The following GPC5 variants were observed in gnomAD, a reference collection of about 807,000 sequenced individuals.
The protein encoded by GPC5 is glypican 5, also known as glypican-5.
Under a neutral mutation model 53.9 loss-of-function variants are expected in GPC5, and 47 were observed. The ratio of observed to expected loss-of-function variants is 0.87; its 90% CI spans 0.69 to 1.11. GPC5 has a LOEUF of 1.11. GPC5 is among the 50% of genes most tolerant of loss of function. The pLI is 0.00. For missense variants in GPC5, 748 were observed against 713.1 expected (o/e 1.05, Z -0.56); for synonymous variants, 286 against 263.3 (o/e 1.09, Z -0.84).
chr13:91,856,164 G>T (rs1379862406), intron 5 of GPC5, among the ~76,000 whole-genome samples: 1 of 151,304 alleles, frequency 6.6e-6, no homozygotes, highest in Non-Finnish European at 1.5e-5. Context: ...GTGGTTCATT[G>T]TTTTCATTGC....
At chr13:92,794,871 A>G (rs904544352) in intron 7 of GPC5, among the ~76,000 whole-genome samples, 1 of 152,178 alleles carries the variant, frequency 6.6e-6, no homozygotes, top group African/African-American at 2.4e-5. Flanking sequence ...ACCAATGCTC[A>G]ATGAAATAAA....
At chr13:92,542,631 C>A (rs1881967969) in intron 7 of GPC5, among the ~76,000 whole-genome samples, 1 of 151,956 alleles carries the variant, frequency 6.6e-6, no homozygotes, top group South Asian at 2.1e-4. Context: ...CTTTTCCCTT[C>A]CAGATGTAAG....
chr13:92,368,972 C>A (rs35121678), intron 7 of GPC5, among the ~76,000 whole-genome samples: 15,299 of 152,148 alleles, frequency 0.1, 848 homozygotes, highest in Middle Eastern at 0.15. Context: ...GAGTCTATTG[C>A]ATTTTCTCTC....
intron 5 of GPC5, among the ~76,000 whole-genome samples, chr13:91,797,868 T>C (rs1454556528): frequency 6.6e-6 from 1 of 152,218 alleles, no homozygotes; most frequent in Non-Finnish European, 1.5e-5. Context: ...ACCGTGAGAT[T>C]CATCAGATTG....
At chr13:92,220,648 C>T (rs1335495911) in intron 7 of GPC5, among the ~76,000 whole-genome samples, 1 of 152,106 alleles carries the variant, frequency 6.6e-6, no homozygotes, top group Non-Finnish European at 1.5e-5. Flanking sequence ...TTTTTCCTAT[C>T]TGATTCACTT....
intron 7 of GPC5, among the ~76,000 whole-genome samples, chr13:92,539,755 C>G (rs1303133089): frequency 6.6e-6 from 1 of 151,884 alleles, no homozygotes; most frequent in Admixed American, 6.6e-5. Flanking sequence ...ACTCACCTCT[C>G]TATATGCACT....
chr13:91,453,040 T>C (rs1355780444), intron 2 of GPC5, among the ~76,000 whole-genome samples: 1 of 87,224 alleles, frequency 1.1e-5, no homozygotes, highest in Non-Finnish European at 2.3e-5. Flanking sequence ...AAAATGTTAT[T>C]GCTAGAGTCT....
chr13:92,324,573 T>C (rs1457199801), intron 7 of GPC5, among the ~76,000 whole-genome samples: 1 of 151,884 alleles, frequency 6.6e-6, no homozygotes, highest in Non-Finnish European at 1.5e-5. Flanking sequence ...ATACTTTAAA[T>C]GTCTGGCTGG....
chr13:91,974,006 A>C (rs527636427), intron 6 of GPC5, among the ~76,000 whole-genome samples: 1 of 152,272 alleles, frequency 6.6e-6, no homozygotes, highest in African/African-American at 2.4e-5. Context: ...TACTCTCTTC[A>C]AAGTTGTCAG....
intron 7 of GPC5, among the ~76,000 whole-genome samples, chr13:92,603,741 G>C (rs902529862): frequency 6.6e-6 from 1 of 152,186 alleles, no homozygotes; most frequent in Non-Finnish European, 1.5e-5. Flanking sequence ...TTAGGTCTGT[G>C]GGTGAATTTG....
intron 4 of GPC5, among the ~76,000 whole-genome samples, chr13:91,749,572 C>T (rs1209371992): frequency 6.6e-6 from 1 of 152,058 alleles, no homozygotes; most frequent in East Asian, 1.9e-4. Context: ...GTGGAATTTC[C>T]AAATACCAAG....
At chr13:91,729,080 A>C (rs1329590144) in intron 4 of GPC5, among the ~76,000 whole-genome samples, 13 of 152,234 alleles carry the variant, frequency 8.5e-5, no homozygotes, top group Admixed American at 8.5e-4. Flanking sequence ...GAAAGACAGA[A>C]AGATAATACA....
chr13:91,621,774 T>TATATATATATATAC lies in GPC5; in HGVS notation c.326-71400_326-71399insCATATATATATATA, dbSNP rs2033865448. On this transcript the variant is annotated intron_variant, in intron 2 of 7. Transcript: ENST00000377067. The stretch of plus-strand genomic sequence containing the variant: ...AGGGACAGAACATTATATATATATA[T>TATATATATATATAC]ATATATATATATATATATGAAGGGG... Among the ~76,000 whole-genome samples the TATATATATATATAC allele has an allele frequency of 1.2e-4, 4 of 33,710 alleles. 2 individuals are homozygous for TATATATATATATAC. The South Asian group carries it at 5.5e-3, about 46-fold the overall frequency. 22.1% of individuals were successfully genotyped at this position (33,710 alleles called of 152,430 possible). A position where few individuals can be genotyped will look rare whatever the true frequency, so the allele number is the denominator to read the frequency against.
At chr13:91,556,188 A>T (rs1336200559) in intron 2 of GPC5, among the ~76,000 whole-genome samples, 3 of 150,436 alleles carry the variant, frequency 2.0e-5, no homozygotes, top group Non-Finnish European at 4.4e-5. Flanking sequence ...ACCATTTGAG[A>T]GTGGCTTTAA....
chr13:92,638,824 A>G (rs570521800), intron 7 of GPC5, among the ~76,000 whole-genome samples: 1 of 152,350 alleles, frequency 6.6e-6, no homozygotes, highest in African/African-American at 2.4e-5. Flanking sequence ...CATTCATGAA[A>G]AAAGGTTTAC....
chr13:91,917,338 C>G (rs1471330945), intron 6 of GPC5, among the ~76,000 whole-genome samples: 2 of 152,230 alleles, frequency 1.3e-5, no homozygotes, highest in Non-Finnish European at 2.9e-5. Flanking sequence ...AAGAGGTGGG[C>G]TCCCATGGCC....
At chr13:92,230,734 T>C (rs2042523958) in intron 7 of GPC5, among the ~76,000 whole-genome samples, 1 of 152,176 alleles carries the variant, frequency 6.6e-6, no homozygotes, top group Non-Finnish European at 1.5e-5. Flanking sequence ...CTGCCAATTA[T>C]TCCTTTGAGA....
chr13:91,539,608 A>G (rs760704848), intron 2 of GPC5, among the ~76,000 whole-genome samples: 1 of 152,078 alleles, frequency 6.6e-6, no homozygotes, highest in Non-Finnish European at 1.5e-5. Context: ...TCACCTTCCT[A>G]CCCTAGAGCC....
At chr13:92,085,710 G>T (rs1293163987) in intron 6 of GPC5, among the ~76,000 whole-genome samples, 3 of 152,156 alleles carry the variant, frequency 2.0e-5, no homozygotes. Context: ...GTTCCCATCT[G>T]GGGGGTGATG....
Sources: gnomAD v4.1 joint callset for allele counts (sites outside exome capture counted in the v4.1 genomes callset) on GRCh38, gnomAD v4.1.1 for gene constraint, MANE v1.5 for transcripts, NCBI Gene and HGNC (gene_info 2026-07-23, HGNC 2026-07-21) for gene names.